The following WDPCP variants were observed in gnomAD, a reference collection of about 807,000 sequenced individuals.
WDPCP encodes the protein WD repeat-containing and planar cell polarity effector protein fritz homolog.
In WDPCP, 71 loss-of-function variants were observed where a neutral mutation model predicts 93.1. The observed-to-expected ratio is 0.76, with a 90% CI of 0.63 to 0.93. The LOEUF (loss-of-function observed/expected upper bound fraction) is 0.93. Among genes scored for constraint, WDPCP ranks in the 40% least tolerant of loss-of-function variants. The pLI, the probability that WDPCP is intolerant of heterozygous loss-of-function variation, is 0.00. For missense variants in WDPCP, 844 were observed against 887.4 expected (o/e 0.95, Z 0.62); for synonymous variants, 315 against 315.0 (o/e 1.00, Z 0.00).
upstream of WDPCP, chr2:63,593,686 G>A (rs1709245601): frequency 8.5e-6 from 4 of 471,262 alleles, no homozygotes; most frequent in South Asian, 6.2e-5. Context: ...GGAAAGGAAT[G>A]GTTCACCTTA....
At chr2:63,384,281 A>G (rs1292976067) in intron 10 of WDPCP, among the ~76,000 whole-genome samples, 1 of 152,182 alleles carries the variant, frequency 6.6e-6, no homozygotes, top group Non-Finnish European at 1.5e-5. Flanking sequence ...TGAGAAAAAA[A>G]GAGAGATGAT....
intron 15 of WDPCP, among the ~76,000 whole-genome samples, chr2:63,167,687 A>G (rs1673085387): frequency 6.6e-6 from 1 of 152,210 alleles, no homozygotes; most frequent in Non-Finnish European, 1.5e-5. Context: ...TAAATAGTCC[A>G]TGAATTCTTA....
At chr2:63,686,577 G>GA (rs35498406) in intron 2 of WDPCP, among the ~76,000 whole-genome samples, 27,373 of 151,716 alleles carry the variant, frequency 0.18, 2,745 homozygotes, top group Middle Eastern at 0.26. Context: ...CAGAGAAATA[G>GA]AAAAAAAATC....
At chr2:63,616,656 T>G (rs1709675814) in intron 3 of WDPCP, among the ~76,000 whole-genome samples, 1 of 152,192 alleles carries the variant, frequency 6.6e-6, no homozygotes, top group Admixed American at 6.5e-5. Flanking sequence ...AGAGACCATA[T>G]TACTCTCCTC....
At chr2:63,332,879 A>G (rs1688081437) in intron 12 of WDPCP, among the ~76,000 whole-genome samples, 1 of 152,084 alleles carries the variant, frequency 6.6e-6, no homozygotes. Context: ...AAAGCACTTG[A>G]GATTACAGGT....
At chr2:63,234,674 G>A (rs376309525) in intron 14 of WDPCP, among the ~76,000 whole-genome samples, 2 of 151,984 alleles carry the variant, frequency 1.3e-5, no homozygotes, top group Admixed American at 6.6e-5. Context: ...AGTTTATTAT[G>A]GTACTTAGAA....
chr2:63,752,221 A>G (rs1157916915), intron 2 of WDPCP: 13 of 715,406 alleles, frequency 1.8e-5, no homozygotes, highest in Non-Finnish European at 3.3e-5. Flanking sequence ...CACTGCCTCA[A>G]TCAGTCATAA....
At chr2:63,427,697 C>T (rs1349604092) in intron 9 of WDPCP, among the ~76,000 whole-genome samples, 1 of 151,846 alleles carries the variant, frequency 6.6e-6, no homozygotes, top group African/African-American at 2.4e-5. Flanking sequence ...ACAAATGAAC[C>T]CCAAAGGTAG....
At chr2:63,293,582 A>G (rs1301602781) in intron 13 of WDPCP, among the ~76,000 whole-genome samples, 1 of 152,214 alleles carries the variant, frequency 6.6e-6, no homozygotes, top group Admixed American at 6.5e-5. Context: ...GACCTACTAG[A>G]CTGTAAAACA....
chr2:63,607,578 C>G (rs916910310), intron 3 of WDPCP, among the ~76,000 whole-genome samples: 1 of 151,540 alleles, frequency 6.6e-6, no homozygotes, highest in South Asian at 2.1e-4. Flanking sequence ...CGCCTGTAAT[C>G]CCAGCACTTT....
intron 1 of WDPCP, among the ~76,000 whole-genome samples, chr2:63,572,365 G>A (rs189866952): frequency 1.6e-3 from 237 of 152,176 alleles, no homozygotes; most frequent in Non-Finnish European, 2.2e-3. Context: ...GATAAAAAGG[G>A]TATCCAGCTG....
At chr2:63,343,150 A>G (rs538139773) in intron 12 of WDPCP, among the ~76,000 whole-genome samples, 42 of 152,058 alleles carry the variant, frequency 2.8e-4, no homozygotes, top group Middle Eastern at 3.4e-3. Flanking sequence ...ACGGGCTTGT[A>G]CCACCACATC....
At chr2:63,484,714 T>C in intron 5 of WDPCP, 51 bp from the exon 6 acceptor site, 1 of 1,609,096 alleles carries the variant, frequency 6.2e-7, no homozygotes, top group African/African-American at 1.3e-5. Flanking sequence ...CACATTGTCA[T>C]TATCAGTTAA....
At chr2:63,292,370 T>TAA (rs58792171) in intron 13 of WDPCP, among the ~76,000 whole-genome samples, 41 of 150,036 alleles carry the variant, frequency 2.7e-4, no homozygotes, top group South Asian at 2.3e-3. Flanking sequence ...CAGTTTTATT[T>TAA]AAAAAAAAAA....
chr2:63,122,204 T>A (rs1669589311), intron 17 of WDPCP, 148 bp from the exon 18 acceptor site: 2 of 638,678 alleles, frequency 3.1e-6, no homozygotes, highest in South Asian at 2.3e-5. Context: ...ATAAGATAAC[T>A]GTATACTTAC....
At chr2:63,378,345 G>C in intron 12 of WDPCP, 41 bp downstream of exon 12, 1 of 1,611,414 alleles carries the variant, frequency 6.2e-7, no homozygotes, top group Non-Finnish European at 8.5e-7. Flanking sequence ...CCTGAAATAA[G>C]TAATTAGTCT....
intron 1 of WDPCP, 129 bp from the exon 2 acceptor site, chr2:63,493,069 T>TAA (rs1242211054): frequency 1.3e-6 from 1 of 794,088 alleles, no homozygotes. Context: ...CCCATTAGAA[T>TAA]AAACATACTC....
Position 63,203,494 on chromosome 2 carries a change from A to G in WDPCP, c.1916-28662T>C, listed in dbSNP as rs117418706. On this transcript the variant is annotated intron_variant, in intron 14 of 17. Transcript: ENST00000272321. ...TCCCAGCTCTGGTAACCATCCTTCTACTCTCTATTTTACAATCCAATTATG... is the reference window on the plus strand; with the variant it reads ...TCCCAGCTCTGGTAACCATCCTTCTGCTCTCTATTTTACAATCCAATTATG... 5.9e-5 allele frequency among the ~76,000 whole-genome samples: 9 copies of G among 151,888 alleles called. No homozygotes were observed. The East Asian group carries it at 1.7e-3, about 29-fold the overall frequency.
At chr2:63,131,134 C>T (rs779347251) in intron 17 of WDPCP, among the ~76,000 whole-genome samples, 19 of 152,038 alleles carry the variant, frequency 1.2e-4, no homozygotes, top group Non-Finnish European at 2.6e-4. Context: ...TAAAAAAATC[C>T]ATTCAGTCAA....
Sources: allele counts gnomAD v4.1 joint callset (sites outside exome capture counted in the v4.1 genomes callset), GRCh38; gene constraint gnomAD v4.1.1; transcripts MANE v1.5; gene names NCBI Gene and HGNC (gene_info 2026-07-23, HGNC 2026-07-21).